MACROD2: variants seen among roughly 807,000 people sequenced by gnomAD.
The protein encoded by MACROD2 is ADP-ribose glycohydrolase MACROD2.
A neutral mutation model predicts 70.4 loss-of-function variants in MACROD2; 36 were observed. That is an observed-to-expected ratio of 0.51 (90% CI 0.39 to 0.68). The LOEUF (loss-of-function observed/expected upper bound fraction) is 0.68. MACROD2 is among the 30% of genes least tolerant of loss of function. The pLI, the probability that MACROD2 is intolerant of heterozygous loss-of-function variation, is 0.00. For missense variants in MACROD2, 496 were observed against 538.4 expected, an observed-to-expected ratio of 0.92 and a Z score of 0.78; for synonymous variants, 172 against 178.8, an observed-to-expected ratio of 0.96 and a Z score of 0.30.
intron 12 of MACROD2, among the ~76,000 whole-genome samples, chr20:15,960,363 G>T (rs1274253928): frequency 1.3e-5 from 2 of 152,184 alleles, no homozygotes; most frequent in Admixed American, 1.3e-4. Context: ...AGACAGCATG[G>T]TGTGAGAGAG....
chr20:15,024,083 A>G (rs1462538669), intron 5 of MACROD2, among the ~76,000 whole-genome samples: 1 of 152,184 alleles, frequency 6.6e-6, no homozygotes, highest in Non-Finnish European at 1.5e-5. Flanking sequence ...ATAAGTCCTC[A>G]ATAGTGGATA....
chr20:14,087,883 ATG>A (rs1601206876), intron 3 of MACROD2, among the ~76,000 whole-genome samples: 1 of 152,132 alleles, frequency 6.6e-6, no homozygotes, highest in African/African-American at 2.4e-5. Context: ...TAAAAGATAT[ATG>A]TGTGTGTATA....
At chr20:14,898,725 A>T (rs549016668) in intron 5 of MACROD2, among the ~76,000 whole-genome samples, 1 of 152,106 alleles carries the variant, frequency 6.6e-6, no homozygotes, top group Non-Finnish European at 1.5e-5. Flanking sequence ...AACTGTCCTC[A>T]CATCTTTGTA....
chr20:15,107,939 G>T (rs17357522), intron 5 of MACROD2, among the ~76,000 whole-genome samples: 1 of 151,462 alleles, frequency 6.6e-6, no homozygotes, highest in East Asian at 1.9e-4. Context: ...CAGAAACAGC[G>T]GTGAGTTAAG....
chr20:15,954,675 C>T (rs1014690354), intron 12 of MACROD2, among the ~76,000 whole-genome samples: 2 of 152,046 alleles, frequency 1.3e-5, no homozygotes, highest in African/African-American at 4.8e-5. Flanking sequence ...TTTTTTAAGA[C>T]ATTATGCAAT....
intron 8 of MACROD2, among the ~76,000 whole-genome samples, chr20:15,793,121 CTG>C (rs139541881): frequency 2.4e-5 from 3 of 124,452 alleles, no homozygotes; most frequent in Admixed American, 1.7e-4. Flanking sequence ...TAAAAAAAGA[CTG>C]TGTGTGTGTG....
chr20:15,314,828 A>G (rs886889739), intron 6 of MACROD2, among the ~76,000 whole-genome samples: 1 of 152,252 alleles, frequency 6.6e-6, no homozygotes, highest in African/African-American at 2.4e-5. Flanking sequence ...AAATCATTCA[A>G]AAGTGTCTGT....
chr20:14,055,294 G>A (rs1468695419), intron 2 of MACROD2, among the ~76,000 whole-genome samples: 1 of 150,888 alleles, frequency 6.6e-6, no homozygotes, highest in Non-Finnish European at 1.5e-5. Flanking sequence ...TCTTTTTTTT[G>A]TGACTTGTTA....
chr20:14,270,623 A>G (rs546236943), intron 3 of MACROD2, among the ~76,000 whole-genome samples: 16 of 150,952 alleles, frequency 1.1e-4, no homozygotes, highest in Admixed American at 4.0e-4. Context: ...GACAAGTACC[A>G]TGTCTCTCAA....
intron 5 of MACROD2, among the ~76,000 whole-genome samples, chr20:14,768,628 T>A (rs1366668805): frequency 1.3e-5 from 2 of 151,938 alleles, no homozygotes; most frequent in Non-Finnish European, 2.9e-5. Flanking sequence ...CTTTCCTCTT[T>A]TTTTTTGAGA....
intron 8 of MACROD2, among the ~76,000 whole-genome samples, chr20:15,654,541 C>T (rs914972403): frequency 6.6e-6 from 1 of 152,186 alleles, no homozygotes; most frequent in Admixed American, 6.5e-5. Flanking sequence ...CTAAGCACCC[C>T]TCCACTTGAA....
rs191471917 is a variant in MACROD2, at chr20:14,817,982, G to A, written c.418+133023G>A. Among the ~76,000 whole-genome samples, 17 of 152,268 alleles carry A rather than the reference G, an allele frequency of 1.1e-4. 1 individual carries two copies. Among genetic ancestry groups the A allele is most frequent in the African/African-American group, 4.1e-4 (17 of 41,556 alleles). The stretch of plus-strand genomic sequence containing the variant: ...GGCACACTGAAGCAGTAACAGCTAA[G>A]TGCTCTAGGTGGGCCACCAAAAACA... On this transcript the variant is annotated intron_variant, in intron 5 of 17. Coordinates refer to ENST00000684519, the MANE Select transcript of MACROD2 (RefSeq NM_001351661.2).
intron 6 of MACROD2, among the ~76,000 whole-genome samples, chr20:15,396,801 G>A (rs2045865640): frequency 6.6e-6 from 1 of 152,146 alleles, no homozygotes; most frequent in East Asian, 1.9e-4. Flanking sequence ...GTGCGACTTT[G>A]CTCTTTTATG....
chr20:14,641,031 C>T (rs191388631), intron 4 of MACROD2, among the ~76,000 whole-genome samples: 1 of 152,336 alleles, frequency 6.6e-6, no homozygotes, highest in Admixed American at 6.5e-5. Context: ...ATTTTACTCA[C>T]AGTAGAACTT....
At chr20:14,368,591 G>A (rs954777636) in intron 3 of MACROD2, among the ~76,000 whole-genome samples, 1 of 151,584 alleles carries the variant, frequency 6.6e-6, no homozygotes, top group Non-Finnish European at 1.5e-5. Flanking sequence ...ATATGATAAC[G>A]TATTAAATCT....
At chr20:15,707,141 A>C (rs2050546759) in intron 8 of MACROD2, among the ~76,000 whole-genome samples, 1 of 152,198 alleles carries the variant, frequency 6.6e-6, no homozygotes, top group African/African-American at 2.4e-5. Context: ...ATGTATAGTA[A>C]ATTACATGAA....
At chr20:15,881,768 C>T (rs1415891821) in intron 9 of MACROD2, among the ~76,000 whole-genome samples, 4 of 152,092 alleles carry the variant, frequency 2.6e-5, no homozygotes, top group Non-Finnish European at 2.9e-5. Context: ...TATTATCATT[C>T]TTGCTTTTAG....
chr20:14,407,310 G>A (rs2083701460), intron 3 of MACROD2, among the ~76,000 whole-genome samples: 1 of 151,680 alleles, frequency 6.6e-6, no homozygotes, highest in Admixed American at 6.6e-5. Context: ...CCCTCCCCCT[G>A]GCATCTCCTT....
intron 3 of MACROD2, among the ~76,000 whole-genome samples, chr20:14,207,339 G>A (rs1180010483): frequency 6.6e-6 from 1 of 152,026 alleles, no homozygotes; most frequent in Admixed American, 6.6e-5. Context: ...TGACCTCGTG[G>A]TCCGCCCGTC....
Sources: gnomAD v4.1 joint callset for allele counts (sites outside exome capture counted in the v4.1 genomes callset) on GRCh38, gnomAD v4.1.1 for gene constraint, MANE v1.5 for transcripts, NCBI Gene and HGNC (gene_info 2026-07-23, HGNC 2026-07-21) for gene names.